Variants in RBP7 observed in about 807,000 individuals in gnomAD.
RBP7 encodes retinol binding protein 7.
RBP7 carries 13 observed loss-of-function variants against 16.7 expected under a neutral mutation model. The ratio of observed to expected loss-of-function variants is 0.78; its 90% CI spans 0.51 to 1.24. The LOEUF (loss-of-function observed/expected upper bound fraction) is 1.24, where lower values mean the gene tolerates loss of function less well. Among genes scored for constraint, RBP7 ranks in the 50% most tolerant of loss-of-function variants. The probability of loss-of-function intolerance (pLI) is 0.00; values close to 1 mark genes in which losing one functional copy is unlikely to be tolerated. For missense variants in RBP7, 145 were observed against 159.5 expected, an observed-to-expected ratio of 0.91 and a Z score of 0.49; for synonymous variants, 54 against 56.2, an observed-to-expected ratio of 0.96 and a Z score of 0.17.
Position 10,015,795 on chromosome 1 carries a change from A to C in RBP7, c.368A>C (p.Glu123Ala). ...GDKLHLEMFC[E>A]GQVCKQTFQR... ...CTTACGCCCTAGGAAATGTTCTGTG[A>C]AGGTCAAGTGTGCAAACAGACATTC... The change falls in exon 4 of 4, where the codon GAA becomes GCA. Residue 123 changes from glutamate (E) to alanine (A), a missense_variant. Physicochemically the swap from Glu to Ala is moderately radical, Grantham distance 107. Coordinates refer to ENST00000294435, the MANE Select transcript of RBP7 (RefSeq NM_052960.3). The C allele has an allele frequency of 6.2e-7, 1 of 1,614,128 alleles. No homozygotes were observed.
rs568799617 is a variant in RBP7, at chr1:10,006,772, G to T, written c.74-798G>T. Among the ~76,000 whole-genome samples the T allele has an allele frequency of 2.6e-3, 396 of 149,618 alleles. 3 individuals carry two copies. The highest frequency in any genetic ancestry group is 0.012 in the South Asian group (55 of 4,680). ...GTGTGTATATATATATATAGAGAGA[G>T]AGAGAGAGAGAGGTATATACATGAA... On this transcript the variant is annotated intron_variant, in intron 1 of 3. Coordinates refer to ENST00000294435, the MANE Select transcript of RBP7 (RefSeq NM_052960.3).
intron 1 of RBP7, among the ~76,000 whole-genome samples, chr1:10,005,555 T>G (rs943337620): frequency 4.0e-5 from 6 of 151,522 alleles, no homozygotes; most frequent in Non-Finnish European, 8.8e-5. Flanking sequence ...TATTTTTGGT[T>G]GTTGTTGTTT....
Position 10,015,925 on chromosome 1 carries a change from C to T in RBP7, c.*93C>T, listed in dbSNP as rs1368325612. On this transcript the variant is annotated 3_prime_UTR_variant, in exon 4 of 4. Transcript: ENST00000294435. ...GACGTTTATCTATCCCATTTGGCGA[C>T]GAGGACTCGTGGCTGGAGAGAGCCA... 1.2e-5 allele frequency: 15 copies of T among 1,220,764 alleles called. No individual in the cohort carries two copies. Among genetic ancestry groups the T allele is most frequent in the Middle Eastern group, 1.9e-4 (1 of 5,328 alleles). The allele number at this position is 1,220,764 out of a possible 1,614,324, so 75.6% of individuals were successfully genotyped here. A position where few individuals can be genotyped will look rare whatever the true frequency, so the allele number is the denominator to read the frequency against.
chr1:10,004,941 C>T (rs769296829), intron 1 of RBP7, among the ~76,000 whole-genome samples: 7 of 151,982 alleles, frequency 4.6e-5, no homozygotes, highest in Non-Finnish European at 2.9e-5. Context: ...TGCAGTGAGC[C>T]GAGATTGCAC....
At chr1:10,004,880 C>A (rs1466760567) in intron 1 of RBP7, among the ~76,000 whole-genome samples, 1 of 152,104 alleles carries the variant, frequency 6.6e-6, no homozygotes, top group Non-Finnish European at 1.5e-5. Context: ...GTAGCCCCAG[C>A]TACTTGGGAG....
chr1:10,002,328 A>T (rs1368982962), intron 1 of RBP7, among the ~76,000 whole-genome samples: 1 of 151,414 alleles, frequency 6.6e-6, no homozygotes, highest in Non-Finnish European at 1.5e-5. Context: ...GTTCCCTCCT[A>T]CTCGAATGTC....
chr1:10,009,179 A>G (rs2101737445), intron 3 of RBP7, among the ~76,000 whole-genome samples: 1 of 152,260 alleles, frequency 6.6e-6, no homozygotes, highest in African/African-American at 2.4e-5. Flanking sequence ...TGGGAGGCTG[A>G]CGTGGGCGGA....
intron 1 of RBP7, among the ~76,000 whole-genome samples, chr1:9,999,119 G>T (rs185884818): frequency 6.6e-6 from 1 of 152,202 alleles, no homozygotes; most frequent in Admixed American, 6.6e-5. Flanking sequence ...TTTTACAAGG[G>T]GTTTCCCCTT....
chr1:10,006,440 G>A (rs749342452), intron 1 of RBP7, among the ~76,000 whole-genome samples: 2 of 152,110 alleles, frequency 1.3e-5, no homozygotes, highest in African/African-American at 4.8e-5. Flanking sequence ...AGCCTGAAAG[G>A]TTGAGGCTAC....
rs756270766 is a variant in RBP7 at position 10,007,750 on chromosome 1, T to TA, written c.252+6dup. 4.3e-6 allele frequency: 7 copies of TA among 1,610,246 alleles called. No individual in the cohort carries two copies. The highest frequency in any genetic ancestry group is 4.5e-5 in the East Asian group (2 of 44,838). ...GGCCTGGACAACAGAAAATGCAAGG[T>TA]AAAATGTAAAGAAATGCCAGGTGCG... On this transcript the variant is annotated splice_region_variant and intron_variant, in intron 2 of 3. Coordinates refer to ENST00000294435, the MANE Select transcript of RBP7 (RefSeq NM_052960.3).
rs1175848194 is a variant in RBP7, at chr1:10,015,790, CT to C, written c.364del (p.Cys122ValfsTer35). 6.2e-7 allele frequency: 1 copy of C among 1,613,924 alleles called. No individual in the cohort carries two copies. Among genetic ancestry groups the C allele is most frequent in the African/African-American group, 1.3e-5 (1 of 74,946 alleles). ...TCCTCCTTACGCCCTAGGAAATGTT[CT>C]GTGAAGGTCAAGTGTGCAAACAGAC... Reference protein sequence around the residue: ...EGDKLHLEMFCEGQVCKQTFQ... With the variant: ...EGDKLHLEMFXEGQVCKQTFQ... On this transcript the variant is annotated frameshift_variant, in exon 4 of 4. Coordinates refer to ENST00000294435, the MANE Select transcript of RBP7 (RefSeq NM_052960.3). LOFTEE classifies it high-confidence loss of function.
At chr1:9,998,347 T>C (rs1012000562) in intron 1 of RBP7, among the ~76,000 whole-genome samples, 1 of 151,896 alleles carries the variant, frequency 6.6e-6, no homozygotes, top group Non-Finnish European at 1.5e-5. Flanking sequence ...TGCCGGCCAA[T>C]CCCTGAACCC....
intron 1 of RBP7, chr1:10,004,059 C>T: frequency 6.9e-6 from 1 of 144,768 alleles, no homozygotes; most frequent in Non-Finnish European, 1.4e-5. Context: ...CCTGGCCTGC[C>T]TCACAATTTT....
At position 10,007,569 on chromosome 1, in the gene RBP7, G is replaced by C. The variant is rs753330381; in HGVS notation, c.74-1G>C. 2 of 1,580,560 alleles carry C rather than the reference G, an allele frequency of 1.3e-6. No homozygotes were observed. Among genetic ancestry groups the C allele is most frequent in the South Asian group, 2.3e-5 (2 of 85,698 alleles). The stretch of plus-strand genomic sequence containing the variant: ...AAATATTTTTAAAAATTATTTTTAA[G>C]GTATTGACTTTGCCACTCGTAAAAT... On this transcript the variant is annotated splice_acceptor_variant, in intron 1 of 3. Coordinates refer to ENST00000294435, the MANE Select transcript of RBP7 (RefSeq NM_052960.3). LOFTEE classifies it high-confidence loss of function.
Position 9,997,289 on chromosome 1 carries a change from C to A in RBP7, c.31C>A (p.Leu11Met). 1 of 1,611,478 alleles carries A rather than the reference C, an allele frequency of 6.2e-7. No homozygotes were observed. Among genetic ancestry groups the A allele is most frequent in the Non-Finnish European group, 8.5e-7 (1 of 1,179,214 alleles). The change falls in exon 1 of 4, where the codon CTG becomes ATG. Residue 11 changes from leucine to methionine, a missense_variant. Leu to Met is a conservative substitution (Grantham distance 15). Transcript: ENST00000294435. The surrounding 1 kb of genome is among the most constrained non-coding windows in gnomAD (Gnocchi z 5.9). ...CGCCGACCTCAGCGGTACTTGGACC[C>A]TGCTCAGCAGCGACAACTTCGAGGG... is the stretch of plus-strand genomic sequence containing the variant. MPADLSGTWT[L>M]LSSDNFEGYM...
At position 9,997,449 on chromosome 1, in the gene RBP7, C is replaced by A; in HGVS notation, c.73+118C>A. The A allele has an allele frequency of 1.1e-6, 1 of 920,368 alleles. No individual in the cohort carries two copies. The allele number at this position is 920,368 out of a possible 1,614,324, so 57.0% of individuals were successfully genotyped here. A position where few individuals can be genotyped will look rare whatever the true frequency, so the allele number is the denominator to read the frequency against. ...CTGTCCGTGCCTCCGCCCTGCTGCG[C>A]CCACCGTCGCCCAGTCGCCCCCGAG... is the stretch of plus-strand genomic sequence containing the variant. On this transcript the variant is annotated intron_variant, in intron 1 of 3. Transcript: ENST00000294435. This position sits in a 1 kb window ranked among gnomAD's most constrained non-coding sequence, Gnocchi z 5.9.
intron 1 of RBP7, chr1:10,006,854 CTT>C (rs1034704266): frequency 1.2e-4 from 44 of 352,256 alleles, no homozygotes; most frequent in African/African-American, 9.0e-4. Flanking sequence ...CAAATGCTCT[CTT>C]AATTCAAAGT....
intron 1 of RBP7, among the ~76,000 whole-genome samples, chr1:9,998,905 T>A (rs939106509): frequency 1.3e-5 from 2 of 152,094 alleles, no homozygotes; most frequent in East Asian, 3.9e-4. Flanking sequence ...CAAAAGAAGG[T>A]CTGAGGGGGA....
At chr1:10,010,086 G>A (rs575923581) in intron 3 of RBP7, among the ~76,000 whole-genome samples, 3 of 152,172 alleles carry the variant, frequency 2.0e-5, no homozygotes, top group South Asian at 4.1e-4. Context: ...TAGAGGCCAT[G>A]TGCTGACAAC....
Sources: gnomAD v4.1 joint callset for allele counts (sites outside exome capture counted in the v4.1 genomes callset) on GRCh38, gnomAD v4.1.1 for gene constraint, Gnocchi (gnomAD v3.1) non-coding constraint, MANE v1.5 for transcripts, NCBI Gene and HGNC (gene_info 2026-07-23, HGNC 2026-07-21) for gene names.